PPP2R2B: variants seen among roughly 807,000 people sequenced by gnomAD.
PPP2R2B encodes the protein protein phosphatase 2 regulatory subunit Bbeta.
A neutral mutation model predicts 46.0 loss-of-function variants in PPP2R2B; 5 were observed. The ratio of observed to expected loss-of-function variants is 0.11; its 90% CI spans 0.06 to 0.23. The LOEUF (loss-of-function observed/expected upper bound fraction) is 0.23, where lower values mean the gene tolerates loss of function less well. Ranked by LOEUF, PPP2R2B falls within the 10% of genes least tolerant of loss-of-function variation. The pLI is 1.00. For synonymous variants in PPP2R2B, 215 were observed against 206.7 expected (o/e 1.04, Z -0.34); for missense variants, 367 against 575.0 (o/e 0.64, Z 3.70).
chr5:146,678,588 A>G (rs1777907702), intron 5 of PPP2R2B, among the ~76,000 whole-genome samples: 1 of 138,052 alleles, frequency 7.2e-6, no homozygotes, highest in Non-Finnish European at 1.5e-5. Flanking sequence ...AATTAGGAAA[A>G]GAGGAAGTCA....
At chr5:146,665,874 A>G (rs1776952169) in intron 5 of PPP2R2B, among the ~76,000 whole-genome samples, 1 of 152,244 alleles carries the variant, frequency 6.6e-6, no homozygotes, top group Admixed American at 6.5e-5. Context: ...AATTACCAAA[A>G]TGTGGCACAG....
Position 146,832,377 on chromosome 5 carries a change from A to ATATTTTTTTTTTTTTTTTTTTTTTTTTT in PPP2R2B, c.70+45624_70+45625insAAAAAAAAAAAAAAAAAAAAAAAAAATA, listed in dbSNP as rs1443028400. Among the ~76,000 whole-genome samples, 4 of 104,298 alleles carry ATATTTTTTTTTTTTTTTTTTTTTTTTTT rather than the reference A, an allele frequency of 3.8e-5. 2 individuals are homozygous for ATATTTTTTTTTTTTTTTTTTTTTTTTTT. Among genetic ancestry groups the ATATTTTTTTTTTTTTTTTTTTTTTTTTT allele is most frequent in the Admixed American group, 2.1e-4 (2 of 9,350 alleles). 68.4% of individuals were successfully genotyped at this position (104,298 alleles called of 152,430 possible). A position where few individuals can be genotyped will look rare whatever the true frequency, so the allele number is the denominator to read the frequency against. On this transcript the variant is annotated intron_variant, in intron 2 of 9. Transcript: ENST00000394411. The stretch of plus-strand genomic sequence containing the variant: ...TACACAAGTAAGTGTGCCATTTTTA[A>ATATTTTTTTTTTTTTTTTTTTTTTTTTT]TCTTTTTTTTTTTTTTTTTTTTTTT...
upstream of PPP2R2B, among the ~76,000 whole-genome samples, chr5:147,059,208 A>G (rs1757183853): frequency 6.6e-6 from 1 of 152,210 alleles, no homozygotes; most frequent in Non-Finnish European, 1.5e-5. Flanking sequence ...GTTTTAATAA[A>G]GCCACATATG....
At chr5:147,043,931 T>G (rs1057280312) in intron 1 of PPP2R2B, among the ~76,000 whole-genome samples, 4 of 152,056 alleles carry the variant, frequency 2.6e-5, no homozygotes, top group Middle Eastern at 3.2e-3. Context: ...CCACCTCTCC[T>G]GCTTGCTAAC....
intron 1 of PPP2R2B, among the ~76,000 whole-genome samples, chr5:147,001,909 G>A (rs1044941554): frequency 6.6e-6 from 1 of 152,090 alleles, no homozygotes; most frequent in African/African-American, 2.4e-5. Flanking sequence ...CTGAGCCAAG[G>A]GTCAACAGAG....
chr5:146,982,155 A>G (rs1211920355), intron 1 of PPP2R2B, among the ~76,000 whole-genome samples: 2 of 152,138 alleles, frequency 1.3e-5, no homozygotes, highest in Admixed American at 6.5e-5. Flanking sequence ...TCAGGTAGGA[A>G]CTTAAATTAC....
Position 146,590,187 on chromosome 5 carries a change from C to T in PPP2R2B, c.1092G>A (p.Met364Ile), listed in dbSNP as rs1453782441. The change falls in exon 10 of 10, where the codon ATG (methionine) becomes ATA (isoleucine). Residue 364 changes from methionine to isoleucine, a missense_variant. By Grantham distance (10) the Met-to-Ile change is conservative. Transcript: ENST00000394411. ...CATCACGCTTGGTGTTTCTGTCGAA[C>T]ATCCTGAAGAAGTTGTTGTAGGAGC... Reference protein sequence around the residue: ...MTGSYNNFFRMFDRNTKRDVT... With the variant: ...MTGSYNNFFRIFDRNTKRDVT... 1 of 1,614,126 alleles carries T rather than the reference C, an allele frequency of 6.2e-7. No individual in the cohort carries two copies. Among genetic ancestry groups the T allele is most frequent in the Non-Finnish European group, 8.5e-7 (1 of 1,180,014 alleles).
chr5:146,961,133 A>G (rs751034079), intron 1 of PPP2R2B, among the ~76,000 whole-genome samples: 1 of 152,144 alleles, frequency 6.6e-6, no homozygotes, highest in Non-Finnish European at 1.5e-5. Flanking sequence ...ATGTATTTGC[A>G]TTATCATTTT....
At chr5:147,021,606 C>T (rs561770523) in intron 1 of PPP2R2B, among the ~76,000 whole-genome samples, 1 of 152,276 alleles carries the variant, frequency 6.6e-6, no homozygotes, top group East Asian at 1.9e-4. Context: ...TATACCTTAG[C>T]AGCAGGGCTA....
At chr5:147,081,136 C>T (rs988428136) in exon 2 of PPP2R2B, 3 of 1,535,458 alleles carry the variant, frequency 2.0e-6, no homozygotes, top group Non-Finnish European at 2.6e-6. Context: ...TGTCCCAATT[C>T]CTGAAAACAA....
intron 2 of PPP2R2B, among the ~76,000 whole-genome samples, chr5:146,730,135 G>A (rs2151204517): frequency 6.6e-6 from 1 of 152,320 alleles, no homozygotes; most frequent in South Asian, 2.1e-4. Context: ...ACCTGGATAT[G>A]AGACCTGGAG....
At chr5:146,724,085 T>C (rs2151197340) in intron 2 of PPP2R2B, among the ~76,000 whole-genome samples, 1 of 152,292 alleles carries the variant, frequency 6.6e-6, no homozygotes, top group African/African-American at 2.4e-5. Flanking sequence ...TATACCAAAG[T>C]CCTACTTACA....
chr5:146,839,476 C>T (rs1030843425), intron 2 of PPP2R2B, among the ~76,000 whole-genome samples: 8 of 152,126 alleles, frequency 5.3e-5, no homozygotes, highest in Non-Finnish European at 7.3e-5. Flanking sequence ...GCTGAGATTG[C>T]GCCATTGTAC....
intron 1 of PPP2R2B, among the ~76,000 whole-genome samples, chr5:147,019,030 A>T (rs930125117): frequency 2.0e-5 from 3 of 152,200 alleles, no homozygotes; most frequent in Admixed American, 2.0e-4. Context: ...CAAGATCATA[A>T]TTCACAAAGG....
intron 1 of PPP2R2B, among the ~76,000 whole-genome samples, chr5:147,017,644 G>A (rs959472921): frequency 6.7e-6 from 1 of 149,586 alleles, no homozygotes; most frequent in Non-Finnish European, 1.5e-5. Context: ...TAAGAGGGTA[G>A]AAAATTTCAG....
chr5:146,769,985 A>T (rs1272548562), intron 2 of PPP2R2B, among the ~76,000 whole-genome samples: 1 of 152,174 alleles, frequency 6.6e-6, no homozygotes, highest in Non-Finnish European at 1.5e-5. Context: ...GATGTTTGTC[A>T]GCATTATTTA....
At chr5:146,909,881 C>G (rs1302687249) in intron 1 of PPP2R2B, among the ~76,000 whole-genome samples, 1 of 152,014 alleles carries the variant, frequency 6.6e-6, no homozygotes, top group Non-Finnish European at 1.5e-5. Context: ...ACAAAAAAGC[C>G]CAAACAGATT....
intron 2 of PPP2R2B, among the ~76,000 whole-genome samples, chr5:146,735,603 T>C (rs1450350286): frequency 6.6e-6 from 1 of 152,106 alleles, no homozygotes; most frequent in East Asian, 1.9e-4. Context: ...CACTCAGGTA[T>C]AATGGAAAAG....
intron 1 of PPP2R2B, among the ~76,000 whole-genome samples, chr5:147,047,717 C>T (rs1756608584): frequency 6.6e-6 from 1 of 152,036 alleles, no homozygotes; most frequent in Non-Finnish European, 1.5e-5. Flanking sequence ...TAGCCAATAC[C>T]TGAATATAAA....
Sources: allele counts gnomAD v4.1 joint callset (sites outside exome capture counted in the v4.1 genomes callset), GRCh38; gene constraint gnomAD v4.1.1; transcripts MANE v1.5; gene names NCBI Gene and HGNC (gene_info 2026-07-23, HGNC 2026-07-21).